WWOX: variants seen among roughly 807,000 people sequenced by gnomAD.
WWOX encodes WW domain-containing oxidoreductase.
Under a neutral mutation model 46.2 loss-of-function variants are expected in WWOX, and 69 were observed. The observed-to-expected ratio is 1.49, with a 90% confidence interval of 1.23 to 1.82. The LOEUF (loss-of-function observed/expected upper bound fraction) is 1.82, where lower values mean the gene tolerates loss of function less well. Among genes scored for constraint, WWOX ranks in the 40% most tolerant of loss-of-function variants. The pLI, the probability that WWOX is intolerant of heterozygous loss-of-function variation, is 0.00. For missense variants in WWOX, 919 were observed against 542.6 expected, an observed-to-expected ratio of 1.69 and a Z score of -6.89; for synonymous variants, 359 against 202.6, an observed-to-expected ratio of 1.77 and a Z score of -6.56.
chr16:79,004,560 A>G (rs371045209), intron 8 of WWOX: 1 of 152,384 alleles, frequency 6.6e-6, no homozygotes, highest in African/African-American at 2.4e-5. Flanking sequence ...TCAGGTCAGC[A>G]TTGCGATCCC....
chr16:78,770,402 C>T (rs1043957831), intron 8 of WWOX, among the ~76,000 whole-genome samples: 14 of 152,256 alleles, frequency 9.2e-5, no homozygotes, highest in African/African-American at 2.6e-4. Flanking sequence ...GATTTGGGAG[C>T]AGCCAGTACC....
intron 8 of WWOX, among the ~76,000 whole-genome samples, chr16:78,657,431 T>C (rs985653588): frequency 1.3e-5 from 2 of 152,022 alleles, no homozygotes; most frequent in Non-Finnish European, 2.9e-5. Context: ...TCAAGAACAA[T>C]ATTGGACAAG....
chr16:78,099,955 G>A (rs2031646579), intron 1 of WWOX, 70 bp downstream of exon 1: 3 of 1,529,820 alleles, frequency 2.0e-6, no homozygotes, highest in South Asian at 1.2e-5. Context: ...CACCTGCGCG[G>A]GGAGGACGCG....
intron 8 of WWOX, among the ~76,000 whole-genome samples, chr16:78,857,032 A>T (rs146236946): frequency 6.6e-6 from 1 of 152,336 alleles, no homozygotes; most frequent in East Asian, 1.9e-4. Context: ...ACAAACATAG[A>T]AAAGGTACAG....
At chr16:78,190,259 T>A (rs571952492) in intron 5 of WWOX, among the ~76,000 whole-genome samples, 2 of 152,300 alleles carry the variant, frequency 1.3e-5, no homozygotes, top group East Asian at 3.9e-4. Context: ...GATGTTTATA[T>A]GGGCTGCTAG....
rs567507422 is a variant in WWOX, at chr16:78,137,428, A to G, written c.409+22274A>G. On this transcript the variant is annotated intron_variant, in intron 4 of 8. Transcript: ENST00000566780. ...ATGACGTCAGCATCACAGAGTTGTG[A>G]GAATTCGACAAGGTGGAATGAAAGC... 3.3e-5 allele frequency among the ~76,000 whole-genome samples: 5 copies of G among 152,280 alleles called. 1 individual carries two copies. The highest frequency in any genetic ancestry group is 9.6e-5 in the African/African-American group (4 of 41,540).
chr16:78,929,949 T>G (rs527590991), intron 8 of WWOX, among the ~76,000 whole-genome samples: 11 of 152,274 alleles, frequency 7.2e-5, no homozygotes, highest in African/African-American at 2.6e-4. Context: ...AAATTCCCTG[T>G]GCTAACTGCC....
At chr16:78,154,135 G>GCACCTTGGA (rs984711508) in intron 4 of WWOX, among the ~76,000 whole-genome samples, 12 of 152,142 alleles carry the variant, frequency 7.9e-5, no homozygotes, top group Non-Finnish European at 1.3e-4. Flanking sequence ...GGCCCACAGG[G>GCACCTTGGA]CACCTTGGAC....
rs567113633 is a variant in WWOX at position 78,379,703 on chromosome 16, G to C, written c.517-7157G>C. Reference sequence around the variant, plus strand: ...ACTTGGGTTCACTATGGCGAGAAATGGGATAGGAGAGCGAACTCACTGATA... The same window carrying C: ...ACTTGGGTTCACTATGGCGAGAAATCGGATAGGAGAGCGAACTCACTGATA... On this transcript the variant is annotated intron_variant, in intron 5 of 8. Coordinates refer to ENST00000566780, the MANE Select transcript of WWOX (RefSeq NM_016373.4). 2.0e-5 allele frequency among the ~76,000 whole-genome samples: 3 copies of C among 152,302 alleles called. No individual in the cohort carries two copies. In the East Asian group the frequency reaches 5.8e-4, roughly 29 times the overall value.
At chr16:78,725,991 C>CCTTCTCCTTCTTCTT (rs1265505044) in intron 8 of WWOX, among the ~76,000 whole-genome samples, 2 of 150,316 alleles carry the variant, frequency 1.3e-5, no homozygotes, top group Admixed American at 1.3e-4. Flanking sequence ...TCCTTCTCCT[C>CCTTCTCCTTCTTCTT]CTTCTCCTTC....
intron 8 of WWOX, among the ~76,000 whole-genome samples, chr16:78,922,709 T>G (rs2045407376): frequency 6.6e-6 from 1 of 152,228 alleles, no homozygotes; most frequent in East Asian, 1.9e-4. Context: ...TGGAAAGGAT[T>G]TTATAAGAAA....
chr16:78,560,902 C>T lies in WWOX; in HGVS notation c.1056+128150C>T, dbSNP rs188454470. On this transcript the variant is annotated intron_variant, in intron 8 of 8. Transcript: ENST00000566780. ...TTGCTGTGTAACAAATGACCACACACTTAGCAGTTCACATTCACATCTTGT... is the reference window on the plus strand; with the variant it reads ...TTGCTGTGTAACAAATGACCACACATTTAGCAGTTCACATTCACATCTTGT... Among the ~76,000 whole-genome samples, 610 of 146,432 alleles carry T rather than the reference C, an allele frequency of 4.2e-3. 4 individuals carry two copies. The highest frequency in any genetic ancestry group is 6.7e-3 in the Non-Finnish European group (442 of 66,154).
At chr16:79,017,969 T>C (rs1408071173) in intron 8 of WWOX, among the ~76,000 whole-genome samples, 2 of 152,136 alleles carry the variant, frequency 1.3e-5, no homozygotes, top group African/African-American at 4.8e-5. Flanking sequence ...AAAATACACA[T>C]TTGCACACCA....
intron 8 of WWOX, among the ~76,000 whole-genome samples, chr16:78,541,898 AAAAT>A (rs1339765862): frequency 6.6e-6 from 1 of 152,080 alleles, no homozygotes; most frequent in African/African-American, 2.4e-5. Flanking sequence ...TGAAAAATAA[AAAAT>A]AAAAGTTAAA....
chr16:78,539,995 C>CTT (rs1225572577), intron 8 of WWOX, among the ~76,000 whole-genome samples: 2 of 133,080 alleles, frequency 1.5e-5, no homozygotes, highest in African/African-American at 5.8e-5. Context: ...CTCTCTCTCT[C>CTT]TTTCTCTCTC....
chr16:78,874,867 T>C (rs1291544131), intron 8 of WWOX, among the ~76,000 whole-genome samples: 1 of 151,926 alleles, frequency 6.6e-6, no homozygotes, highest in Non-Finnish European at 1.5e-5. Context: ...CAGCAAGTGG[T>C]AAATGATCCC....
intron 8 of WWOX, among the ~76,000 whole-genome samples, chr16:79,036,733 C>G (rs551045547): frequency 6.6e-6 from 1 of 152,120 alleles, no homozygotes; most frequent in East Asian, 1.9e-4. Flanking sequence ...CTGCAGTGAG[C>G]GAAGGATTGG....
rs10596104 is a variant in WWOX, at chr16:78,593,736, A to AAG, written c.1056+161004_1056+161005dup. On this transcript the variant is annotated intron_variant, in intron 8 of 8. Coordinates refer to ENST00000566780, the MANE Select transcript of WWOX (RefSeq NM_016373.4). Reference sequence around the variant, plus strand: ...ACTGCCTGTTGTAGTTAAAAAAAAAAAGAGAGAGAGAGAGAGAGAGACTGA... The same window carrying AAG: ...ACTGCCTGTTGTAGTTAAAAAAAAAAAGAGAGAGAGAGAGAGAGAGAGACTGA... 1.7e-3 allele frequency among the ~76,000 whole-genome samples: 253 copies of AAG among 145,220 alleles called. 1 individual carries two copies. The highest frequency in any genetic ancestry group is 6.3e-3 in the African/African-American group (241 of 38,384).
rs551540727 is a variant in WWOX at position 78,765,883 on chromosome 16, C to T, written c.1056+333131C>T. 1.9e-3 allele frequency among the ~76,000 whole-genome samples: 296 copies of T among 152,246 alleles called. 1 individual carries two copies. The highest frequency in any genetic ancestry group is 4.6e-3 in the Admixed American group (70 of 15,288). ...GACAGAGTGGGTGGCACAGGCATTG[C>T]GGAGGCAGAAATTTACGTGGCTTCC... On this transcript the variant is annotated intron_variant, in intron 8 of 8. Transcript: ENST00000566780.
Sources: allele counts gnomAD v4.1 joint callset (sites outside exome capture counted in the v4.1 genomes callset), GRCh38; gene constraint gnomAD v4.1.1; transcripts MANE v1.5; gene names NCBI Gene and HGNC (gene_info 2026-07-23, HGNC 2026-07-21).